Variants in DNAH7 observed in about 807,000 individuals in gnomAD.
DNAH7 encodes the protein axonemal beta dynein heavy chain 7.
Under a neutral mutation model 444.6 loss-of-function variants are expected in DNAH7, and 397 were observed. That is an observed-to-expected ratio of 0.89 (90% CI 0.82 to 0.97). The LOEUF is 0.97. DNAH7 is among the 50% of genes least tolerant of loss of function. DNAH7 has a pLI of 0.00. For synonymous variants in DNAH7, 1,636 were observed against 1,624.4 expected (o/e 1.01, Z -0.17); for missense variants, 4,902 against 4,800.8 (o/e 1.02, Z -0.62).
Position 195,740,719 on chromosome 2 carries a change from T to C in DNAH7, c.11868+47A>G, listed in dbSNP as rs548564820. 18 of 812,574 alleles carry C rather than the reference T, an allele frequency of 2.2e-5. No individual in the cohort carries two copies. In the African/African-American group the frequency reaches 3.2e-4, roughly 15 times the overall value. The allele number at this position is 812,574 out of a possible 1,614,324, so 50.3% of individuals were successfully genotyped here. A position where few individuals can be genotyped will look rare whatever the true frequency, so the allele number is the denominator to read the frequency against. On this transcript the variant is annotated intron_variant, in intron 64 of 64. Transcript: ENST00000312428. ...TCTATTTTATATATAATATATAAAA[T>C]ATGTATAAAATAATTCCACATGTAT...
At chr2:195,930,726 A>G (rs576718831) in intron 21 of DNAH7, among the ~76,000 whole-genome samples, 3 of 152,208 alleles carry the variant, frequency 2.0e-5, no homozygotes, top group Admixed American at 6.5e-5. Flanking sequence ...ACATATACTC[A>G]TATGTTCACT....
chr2:196,032,085 G>A (rs1005251388), intron 5 of DNAH7, among the ~76,000 whole-genome samples: 2 of 152,180 alleles, frequency 1.3e-5, no homozygotes, highest in African/African-American at 4.8e-5. Flanking sequence ...GGTTGGGGGG[G>A]TCTCACAATC....
chr2:195,999,361 G>C, intron 12 of DNAH7: 1 of 622,058 alleles, frequency 1.6e-6, no homozygotes, highest in South Asian at 1.9e-5. Flanking sequence ...CATTAAGCAA[G>C]AATTCAGCTA....
intron 57 of DNAH7, among the ~76,000 whole-genome samples, chr2:195,793,268 G>C (rs1000081155): frequency 5.3e-5 from 8 of 152,040 alleles, no homozygotes; most frequent in Non-Finnish European, 1.2e-4. Context: ...CATTTTTTCT[G>C]TAAGATTAAA....
chr2:195,910,064 T>C lies in DNAH7; in HGVS notation c.4067A>G (p.Asp1356Gly), dbSNP rs1687265854. Reference protein sequence around the residue: ...AKQCVVFNCSDGLDYLALGKF... With the variant: ...AKQCVVFNCSGGLDYLALGKF... ...TCCCAAAGCCAAATAATCCAACCCA[T>C]CAGAGCAGTTGAAAACAACACATTG... The change falls in exon 25 of 65, where the codon GAT becomes GGT. Residue 1356 changes from aspartate to glycine, a missense_variant. Coordinates refer to ENST00000312428, the MANE Select transcript of DNAH7 (RefSeq NM_018897.3). 1.9e-6 allele frequency: 3 copies of C among 1,613,504 alleles called. No individual in the cohort carries two copies. The highest frequency in any genetic ancestry group is 1.7e-5 in the Admixed American group (1 of 59,928).
intron 1 of DNAH7, among the ~76,000 whole-genome samples, chr2:196,064,899 T>C (rs1218296540): frequency 6.6e-6 from 1 of 152,206 alleles, no homozygotes; most frequent in Non-Finnish European, 1.5e-5. Flanking sequence ...TCCTTGGGCA[T>C]GTATTTTAGT....
At chr2:195,972,132 T>G in intron 16 of DNAH7, 110 bp downstream of exon 16, 5 of 817,000 alleles carry the variant, frequency 6.1e-6, no homozygotes, top group South Asian at 3.6e-5. Context: ...CATTATAGTA[T>G]GAGAAAGCTA....
At chr2:195,918,064 T>C (rs1477319354) in intron 24 of DNAH7, among the ~76,000 whole-genome samples, 3 of 152,152 alleles carry the variant, frequency 2.0e-5, no homozygotes, top group African/African-American at 7.2e-5. Flanking sequence ...ATTCAAAATG[T>C]ACAAAGAACA....
intron 27 of DNAH7, chr2:195,901,176 A>G (rs887235139): frequency 6.6e-6 from 1 of 152,132 alleles, no homozygotes. Flanking sequence ...CAGAAAAAGT[A>G]TATATGTGAG....
chr2:195,960,641 T>A lies in DNAH7; in HGVS notation c.2510A>T (p.His837Leu), dbSNP rs1463079047. ...ACAGATCACTTGAATGAGAGGAATG[T>A]GCTGCTTGAAATCTTCCACCTTTGA... is the stretch of plus-strand genomic sequence containing the variant. ...VRSKVEDFKQ[H>L]IPLIQVICNP... Residue 837 changes from histidine (H) to leucine (L), a missense_variant, in exon 18 of 65, where the codon CAC (histidine) becomes CTC (leucine). Coordinates refer to ENST00000312428, the MANE Select transcript of DNAH7 (RefSeq NM_018897.3). 1.2e-6 allele frequency: 2 copies of A among 1,614,240 alleles called. No homozygotes were observed. Among genetic ancestry groups the A allele is most frequent in the East Asian group, 4.5e-5 (2 of 44,886 alleles).
chr2:195,771,730 T>C lies in DNAH7; in HGVS notation c.11363A>G (p.Glu3788Gly), dbSNP rs765332637. The C allele has an allele frequency of 2.5e-6, 4 of 1,614,218 alleles. No individual in the cohort carries two copies. The Admixed American group carries it at 6.7e-5, about 27-fold the overall frequency. The change falls in exon 61 of 65, where the codon GAG (glutamate) becomes GGG (glycine). Residue 3788 changes from glutamate (E) to glycine (G), a missense_variant. Physicochemically the swap from Glu to Gly is moderately conservative, Grantham distance 98 (BLOSUM62 -2). Transcript: ENST00000312428. ...CAGTAACTTATTGAACCGTCCCATC[T>C]CTTGGACAAGTACAGTGTTCATGCT... ...TQSMNTVLVQEMGRFNKLLKT... is the reference protein window; with the variant it reads ...TQSMNTVLVQGMGRFNKLLKT...
Position 196,029,570 on chromosome 2 carries a change from T to C in DNAH7, c.399-1523A>G, listed in dbSNP as rs201689387. On this transcript the variant is annotated intron_variant, in intron 5 of 64. Transcript: ENST00000312428. The stretch of plus-strand genomic sequence containing the variant: ...ATTGATTACCTACTCAGGCCCTCAA[T>C]AGTTTCACATATATTATTTATAATC... 4.5e-4 allele frequency among the ~76,000 whole-genome samples: 68 copies of C among 152,074 alleles called. 1 individual carries two copies. Among genetic ancestry groups the C allele is most frequent in the African/African-American group, 1.5e-3 (61 of 41,458 alleles).
At chr2:195,838,000 T>G (rs1033375934) in intron 47 of DNAH7, among the ~76,000 whole-genome samples, 1 of 152,090 alleles carries the variant, frequency 6.6e-6, no homozygotes, top group African/African-American at 2.4e-5. Flanking sequence ...GTAGGATAAA[T>G]TCTGAAAAGA....
rs201634431 is a variant in DNAH7, at chr2:195,820,399, A to G, written c.9292-2570T>C. 3.6e-4 allele frequency among the ~76,000 whole-genome samples: 54 copies of G among 151,970 alleles called. No individual in the cohort carries two copies. The East Asian group carries it at 5.4e-3, about 15-fold the overall frequency. On this transcript the variant is annotated intron_variant, in intron 49 of 64. Transcript: ENST00000312428. ...GATAGGTGCAGAAAACCATCATAGT[A>G]TATGTATACCTATGTAACAAACCTG...
In DNAH7 at chr2:195,771,883, G is replaced by A. The variant is rs1694857736; in HGVS notation, c.11210C>T (p.Ser3737Leu). Residue 3737 changes from serine to leucine, a missense_variant, in exon 61 of 65, where the codon TCA becomes TTA. By Grantham distance (145) the Ser-to-Leu change is moderately radical. Transcript: ENST00000312428. ...FDNILLTQSR[S>L]AGAGAKSSDE... The stretch of plus-strand genomic sequence containing the variant: ...TGATGATTTTGCACCAGCACCTGCT[G>A]AACGAGACTATGAAGAATCCAAACT... 6.2e-7 allele frequency: 1 copy of A among 1,613,904 alleles called. No individual in the cohort carries two copies. Among genetic ancestry groups the A allele is most frequent in the Admixed American group, 1.7e-5 (1 of 60,000 alleles).
rs564695617 is a variant in DNAH7, at chr2:195,946,537, C to G, written c.3079-9745G>C. Among the ~76,000 whole-genome samples, 40 of 152,234 alleles carry G rather than the reference C, an allele frequency of 2.6e-4. 1 individual carries two copies. In the East Asian group the frequency reaches 7.5e-3, roughly 29 times the overall value. ...ACTCTCCAACAGGCTAGACCAGTTG[C>G]AAAGACCAACAGAAAAGGCACAGGG... On this transcript the variant is annotated intron_variant, in intron 19 of 64. Coordinates refer to ENST00000312428, the MANE Select transcript of DNAH7 (RefSeq NM_018897.3).
At chr2:195,877,555 A>G (rs1701132077) in intron 36 of DNAH7, among the ~76,000 whole-genome samples, 2 of 152,246 alleles carry the variant, frequency 1.3e-5, no homozygotes, top group African/African-American at 4.8e-5. Context: ...TACACTAAAC[A>G]TTACCATAAT....
At chr2:196,042,309 T>C (rs1010781622) in intron 5 of DNAH7, among the ~76,000 whole-genome samples, 9 of 151,946 alleles carry the variant, frequency 5.9e-5, no homozygotes, top group African/African-American at 1.9e-4. Flanking sequence ...TAATAAATAT[T>C]TGAGGGGACA....
rs145511597 is a variant in DNAH7 at position 195,869,498 on chromosome 2, T to C, written c.6633+2752A>G. Among the ~76,000 whole-genome samples, 227 of 151,826 alleles carry C rather than the reference T, an allele frequency of 1.5e-3. 1 individual carries two copies. Among genetic ancestry groups the C allele is most frequent in the African/African-American group, 5.0e-3 (206 of 41,410 alleles). On this transcript the variant is annotated intron_variant, in intron 40 of 64. Transcript: ENST00000312428. ...AATGAATTCTACAACATGTTGGACG[T>C]TGGAAAATATTATGAAAAGAAGTAA... is the stretch of plus-strand genomic sequence containing the variant.
Sources: gnomAD v4.1 joint callset for allele counts (sites outside exome capture counted in the v4.1 genomes callset) on GRCh38, gnomAD v4.1.1 for gene constraint, MANE v1.5 for transcripts, NCBI Gene and HGNC (gene_info 2026-07-23, HGNC 2026-07-21) for gene names.